Variants in TM4SF20 observed in about 807,000 individuals in gnomAD.
TM4SF20 encodes transmembrane 4 L six family member 20.
Under a neutral mutation model 15.1 loss-of-function variants are expected in TM4SF20, and 13 were observed. The ratio of observed to expected loss-of-function variants is 0.86; its 90% CI spans 0.56 to 1.36. The LOEUF is 1.36. Ranked by LOEUF, TM4SF20 falls within the 40% of genes most tolerant of loss-of-function variation. The pLI is 0.00. For missense variants in TM4SF20, 282 were observed against 268.4 expected (o/e 1.05, Z -0.35); for synonymous variants, 92 against 96.6 (o/e 0.95, Z 0.28).
chr2:227,379,441 G>A, upstream of TM4SF20: 3 of 496,116 alleles, frequency 6.0e-6, no homozygotes, highest in South Asian at 4.9e-5. Context: ...TGGGAAATGA[G>A]AAAATAATTC....
chr2:227,373,151 G>C (rs1004686406), intron 1 of TM4SF20, among the ~76,000 whole-genome samples: 2 of 152,156 alleles, frequency 1.3e-5, no homozygotes, highest in African/African-American at 2.4e-5. Context: ...CTCCCACTCT[G>C]ATTCATTTAT....
intron 1 of TM4SF20, among the ~76,000 whole-genome samples, chr2:227,371,427 A>G (rs1282956074): frequency 2.0e-5 from 3 of 152,156 alleles, no homozygotes; most frequent in Non-Finnish European, 4.4e-5. Flanking sequence ...TGTAGCCTTG[A>G]ACTCCTGGGC....
At chr2:227,380,057 G>A (rs961957337), upstream of TM4SF20, among the ~76,000 whole-genome samples, 39 of 152,248 alleles carry the variant, frequency 2.6e-4, no homozygotes, top group African/African-American at 8.0e-4. Flanking sequence ...GGCCAGCTGC[G>A]GTGGCTCACG....
At chr2:227,372,643 AAAAC>A (rs2076426717) in intron 1 of TM4SF20, among the ~76,000 whole-genome samples, 1 of 149,576 alleles carries the variant, frequency 6.7e-6, no homozygotes, top group African/African-American at 2.4e-5. Flanking sequence ...CTATCTCAAA[AAAAC>A]AAACAACAAC....
chr2:227,365,430 G>A (rs1243514880), intron 3 of TM4SF20, among the ~76,000 whole-genome samples: 5 of 152,144 alleles, frequency 3.3e-5, no homozygotes, highest in African/African-American at 7.2e-5. Context: ...TTCAGTCACA[G>A]AATGATGTAC....
upstream of TM4SF20, among the ~76,000 whole-genome samples, chr2:227,381,274 C>G (rs1200090240): frequency 6.6e-6 from 1 of 151,944 alleles, no homozygotes; most frequent in Non-Finnish European, 1.5e-5. Flanking sequence ...GAGACGCCAT[C>G]TTAAAACAAA....
In TM4SF20 at chr2:227,363,882, C is replaced by T. The variant is rs1452433253; in HGVS notation, c.532G>A (p.Asp178Asn). 7 of 1,613,936 alleles carry T rather than the reference C, an allele frequency of 4.3e-6. No individual in the cohort carries two copies. The highest frequency in any genetic ancestry group is 1.1e-5 in the South Asian group (1 of 91,084). Residue 178 changes from aspartate to asparagine, a missense_variant, in exon 4 of 4, where the codon GAT becomes AAT. Coordinates refer to ENST00000304568, the MANE Select transcript of TM4SF20 (RefSeq NM_024795.4). ...AGCCTATGTTTGTTTTCTTCAGAAT[C>T]GAAGTGGAAACTAGATGCTCTCCAG... ...SGWRASSFHF[D>N]SEENKHRLIH...
At chr2:227,371,049 AC>A in intron 1 of TM4SF20, 69 bp from the exon 2 acceptor site, 1 of 1,321,604 alleles carries the variant, frequency 7.6e-7, no homozygotes, top group South Asian at 1.2e-5. Context: ...AGTAATCTTC[AC>A]CTTCCGTTTA....
intron 2 of TM4SF20, among the ~76,000 whole-genome samples, chr2:227,368,940 C>T (rs2076407131): frequency 6.6e-6 from 1 of 152,110 alleles, no homozygotes; most frequent in African/African-American, 2.4e-5. Flanking sequence ...CCAGATACGA[C>T]ATAAAAACCA....
At chr2:227,374,654 G>A (rs2076438386) in intron 1 of TM4SF20, among the ~76,000 whole-genome samples, 1 of 152,058 alleles carries the variant, frequency 6.6e-6, no homozygotes, top group Non-Finnish European at 1.5e-5. Context: ...TTTAGTTTGA[G>A]AAGTTACATG....
In TM4SF20 at chr2:227,363,409, C is replaced by T; in HGVS notation, c.*315G>A. 1 of 202,206 alleles carries T rather than the reference C, an allele frequency of 4.9e-6. No homozygotes were observed. Among genetic ancestry groups the T allele is most frequent in the South Asian group, 6.8e-5 (1 of 14,804 alleles). The allele number at this position is 202,206 out of a possible 1,614,324, so 12.5% of individuals were successfully genotyped here. A position where few individuals can be genotyped will look rare whatever the true frequency, so the allele number is the denominator to read the frequency against. The stretch of plus-strand genomic sequence containing the variant: ...CTGTACTCCAGCCTTTTTTGAGACC[C>T]TGTCTCAAAAAAAAAAAAAAAAAGT... On this transcript the variant is annotated 3_prime_UTR_variant, in exon 4 of 4. Transcript: ENST00000304568.
At chr2:227,375,527 T>C (rs1000154586) in intron 1 of TM4SF20, among the ~76,000 whole-genome samples, 5 of 152,256 alleles carry the variant, frequency 3.3e-5, no homozygotes, top group Admixed American at 2.6e-4. Context: ...TCTTGCTCTG[T>C]CACCTAGGCT....
intron 1 of TM4SF20, among the ~76,000 whole-genome samples, chr2:227,375,555 T>C (rs1189951535): frequency 6.6e-6 from 1 of 152,198 alleles, no homozygotes; most frequent in East Asian, 1.9e-4. Context: ...AGTGGCGCGA[T>C]CTCAGCTTAC....
intron 1 of TM4SF20, 70 bp from the exon 2 acceptor site, chr2:227,371,050 C>T (rs775859673): frequency 3.0e-6 from 4 of 1,313,156 alleles, no homozygotes; most frequent in Non-Finnish European, 4.4e-6. Flanking sequence ...GTAATCTTCA[C>T]CTTCCGTTTA....
Position 227,375,051 on chromosome 2 carries a change from C to T in TM4SF20, c.183+4035G>A, listed in dbSNP as rs570107837. On this transcript the variant is annotated intron_variant, in intron 1 of 3. Transcript: ENST00000304568. ...AAGTGATTCTCCTGCCTCAGCCTCC[C>T]GAGTAGCTGGGATTACAGGCATGCA... is the stretch of plus-strand genomic sequence containing the variant. 2.6e-5 allele frequency among the ~76,000 whole-genome samples: 4 copies of T among 151,914 alleles called. No homozygotes were observed. In the East Asian group the frequency reaches 7.9e-4, roughly 30 times the overall value.
intron 1 of TM4SF20, among the ~76,000 whole-genome samples, chr2:227,378,247 G>C (rs893604735): frequency 6.6e-6 from 1 of 152,158 alleles, no homozygotes; most frequent in Non-Finnish European, 1.5e-5. Flanking sequence ...TAGGATAAAT[G>C]ATTTGCTTGC....
chr2:227,381,072 C>T (rs539386554), upstream of TM4SF20, among the ~76,000 whole-genome samples: 28 of 152,138 alleles, frequency 1.8e-4, no homozygotes, highest in Admixed American at 1.6e-3. Flanking sequence ...CCCAGGAGTT[C>T]GAGACCAGCC....
intron 1 of TM4SF20, among the ~76,000 whole-genome samples, chr2:227,375,768 C>G (rs1272883048): frequency 6.6e-6 from 1 of 152,186 alleles, no homozygotes; most frequent in South Asian, 2.1e-4. Context: ...GGATTACAGA[C>G]ATGAGCCACC....
intron 1 of TM4SF20, among the ~76,000 whole-genome samples, chr2:227,378,414 G>A (rs2076462369): frequency 6.6e-6 from 1 of 152,184 alleles, no homozygotes; most frequent in Admixed American, 6.5e-5. Flanking sequence ...GGTGATTCAT[G>A]TCAGTTATAT....
Sources: gnomAD v4.1 joint callset for allele counts (sites outside exome capture counted in the v4.1 genomes callset) on GRCh38, gnomAD v4.1.1 for gene constraint, MANE v1.5 for transcripts, NCBI Gene and HGNC (gene_info 2026-07-23, HGNC 2026-07-21) for gene names.